LRMDA: variants seen among roughly 807,000 people sequenced by gnomAD.
LRMDA encodes the protein leucine-rich melanocyte differentiation-associated protein.
Under a neutral mutation model 29.8 loss-of-function variants are expected in LRMDA, and 18 were observed. That is an observed-to-expected ratio of 0.60 (90% CI 0.42 to 0.90). The LOEUF (loss-of-function observed/expected upper bound fraction) is 0.90. LRMDA is among the 40% of genes least tolerant of loss of function. The pLI is 0.00. For synonymous variants in LRMDA, 125 were observed against 109.4 expected (o/e 1.14, Z -0.89); for missense variants, 273 against 273.9 (o/e 1.00, Z 0.02).
At chr10:75,433,039 G>GC (rs1758723115) in intron 1 of LRMDA, among the ~76,000 whole-genome samples, 1 of 152,200 alleles carries the variant, frequency 6.6e-6, no homozygotes, top group South Asian at 2.1e-4. Flanking sequence ...TTAACAGCCT[G>GC]CGGAGAGGCT....
chr10:75,617,937 C>T (rs540376076), intron 2 of LRMDA, among the ~76,000 whole-genome samples: 4 of 152,312 alleles, frequency 2.6e-5, no homozygotes, highest in East Asian at 3.9e-4. Flanking sequence ...AGGCCTTTGT[C>T]GCCTTGGCTA....
chr10:75,613,029 T>TC (rs368591636), intron 2 of LRMDA, among the ~76,000 whole-genome samples: 94 of 152,274 alleles, frequency 6.2e-4, no homozygotes, highest in African/African-American at 1.9e-3. Flanking sequence ...TATCCTTCCT[T>TC]CTTTTGACGT....
chr10:76,134,040 CAG>C lies in LRMDA; in HGVS notation c.516+75261_516+75262del, dbSNP rs1850048477. Reference sequence around the variant, plus strand: ...CCCCACCCCCAACAAAGTCCAGGAACAGAGAACTGCATGCTGTTTTAATTACA... The same window carrying C: ...CCCCACCCCCAACAAAGTCCAGGAACAGAACTGCATGCTGTTTTAATTACA... On this transcript the variant is annotated intron_variant, in intron 5 of 6. Transcript: ENST00000611255. Among the ~76,000 whole-genome samples the C allele has an allele frequency of 7.9e-5, 12 of 152,300 alleles. No homozygotes were observed. In the South Asian group the frequency reaches 2.5e-3, roughly 32 times the overall value.
intron 6 of LRMDA, among the ~76,000 whole-genome samples, chr10:76,341,699 T>C (rs1022304802): frequency 1.3e-5 from 2 of 152,170 alleles, no homozygotes; most frequent in Non-Finnish European, 2.9e-5. Context: ...AGAAGATTCA[T>C]ATGTTCATGT....
At chr10:76,427,579 A>T (rs1842142172) in intron 6 of LRMDA, among the ~76,000 whole-genome samples, 1 of 152,120 alleles carries the variant, frequency 6.6e-6, no homozygotes, top group Admixed American at 6.5e-5. Flanking sequence ...TCTTTTCCTA[A>T]TTGAATGCCC....
At chr10:76,020,064 T>C (rs566711029) in intron 2 of LRMDA, among the ~76,000 whole-genome samples, 1 of 152,370 alleles carries the variant, frequency 6.6e-6, no homozygotes, top group Non-Finnish European at 1.5e-5. Flanking sequence ...TTCAGCCCAC[T>C]GACCCCTGAG....
At chr10:76,450,362 T>C (rs1221614776) in intron 6 of LRMDA, among the ~76,000 whole-genome samples, 1 of 152,096 alleles carries the variant, frequency 6.6e-6, no homozygotes, top group Admixed American at 6.5e-5. Context: ...TTCATTTTTG[T>C]AGGATTTTAA....
intron 5 of LRMDA, among the ~76,000 whole-genome samples, chr10:76,120,981 C>T (rs1417891329): frequency 2.0e-5 from 3 of 151,920 alleles, no homozygotes; most frequent in Middle Eastern, 6.8e-3. Flanking sequence ...TACAGGTGCC[C>T]GCCACCACGC....
intron 2 of LRMDA, among the ~76,000 whole-genome samples, chr10:76,035,343 C>T (rs1168919935): frequency 6.6e-6 from 1 of 151,882 alleles, no homozygotes; most frequent in Non-Finnish European, 1.5e-5. Flanking sequence ...CCTCTCAGAT[C>T]GGAGTGATTA....
chr10:75,554,724 A>C (rs895944024), intron 2 of LRMDA, among the ~76,000 whole-genome samples: 9 of 152,196 alleles, frequency 5.9e-5, no homozygotes, highest in Non-Finnish European at 1.0e-4. Context: ...ACCAAAATTC[A>C]AAACCTGGCT....
intron 2 of LRMDA, among the ~76,000 whole-genome samples, chr10:75,508,054 A>G (rs1340156929): frequency 6.6e-6 from 1 of 152,214 alleles, no homozygotes; most frequent in Non-Finnish European, 1.5e-5. Context: ...TTCGCTGTCT[A>G]GAGCTCTTGA....
At chr10:75,777,958 A>G (rs868751704) in intron 2 of LRMDA, among the ~76,000 whole-genome samples, 1 of 152,224 alleles carries the variant, frequency 6.6e-6, no homozygotes, top group Non-Finnish European at 1.5e-5. Flanking sequence ...CAATTATAAG[A>G]GTAAGTTTAA....
chr10:76,505,920 A>G (rs541136870), intron 6 of LRMDA, among the ~76,000 whole-genome samples: 56 of 152,248 alleles, frequency 3.7e-4, no homozygotes, highest in Admixed American at 5.9e-4. Flanking sequence ...TAAGTTGAGT[A>G]TAATCAATTG....
At chr10:76,290,856 A>G (rs2082855) in intron 5 of LRMDA, among the ~76,000 whole-genome samples, 5,061 of 152,266 alleles carry the variant, frequency 0.033, 254 homozygotes, top group East Asian at 0.12. Flanking sequence ...GAGATGAGAG[A>G]CCAGTTGACT....
At chr10:75,659,653 G>A (rs1246847346) in intron 2 of LRMDA, among the ~76,000 whole-genome samples, 1 of 152,152 alleles carries the variant, frequency 6.6e-6, no homozygotes, top group African/African-American at 2.4e-5. Context: ...GGGGAAATGG[G>A]CAACTGTTGG....
At chr10:76,470,946 A>G (rs146555288) in intron 6 of LRMDA, among the ~76,000 whole-genome samples, 68 of 152,064 alleles carry the variant, frequency 4.5e-4, no homozygotes, top group African/African-American at 1.5e-3. Flanking sequence ...CGTTAACCAC[A>G]ATAAAAATAA....
chr10:76,428,985 A>G (rs1161004327), intron 6 of LRMDA, among the ~76,000 whole-genome samples: 1 of 151,554 alleles, frequency 6.6e-6, no homozygotes, highest in Non-Finnish European at 1.5e-5. Context: ...AGTGGACTGA[A>G]ACCTTGCTGT....
intron 6 of LRMDA, among the ~76,000 whole-genome samples, chr10:76,383,403 C>A (rs1304040731): frequency 1.4e-5 from 2 of 148,112 alleles, no homozygotes; most frequent in Non-Finnish European, 3.0e-5. Context: ...TTTGAGTACA[C>A]CAATGTCTTT....
chr10:76,108,320 G>A (rs1849521500), intron 5 of LRMDA, among the ~76,000 whole-genome samples: 1 of 152,150 alleles, frequency 6.6e-6, no homozygotes, highest in Non-Finnish European at 1.5e-5. Context: ...GACCTGACTA[G>A]ATGTAGTTGT....
Sources: gnomAD v4.1 joint callset for allele counts (sites outside exome capture counted in the v4.1 genomes callset) on GRCh38, gnomAD v4.1.1 for gene constraint, MANE v1.5 for transcripts, NCBI Gene and HGNC (gene_info 2026-07-23, HGNC 2026-07-21) for gene names.